The following MEI4 variants were observed in gnomAD, a reference collection of about 807,000 sequenced individuals.
The protein encoded by MEI4 is meiotic double-stranded break formation protein 4, also known as meiosis-specific protein MEI4.
A neutral mutation model predicts 31.4 loss-of-function variants in MEI4; 27 were observed. The ratio of observed to expected loss-of-function variants is 0.86; its 90% CI spans 0.63 to 1.19. The LOEUF (loss-of-function observed/expected upper bound fraction) is 1.19. MEI4 is among the 50% of genes most tolerant of loss of function. The pLI is 0.00. For synonymous variants in MEI4, 122 were observed against 145.4 expected, an observed-to-expected ratio of 0.84 and a Z score of 1.16; for missense variants, 329 against 398.9, an observed-to-expected ratio of 0.82 and a Z score of 1.49.
chr6:77,796,099 A>T (rs1347956250), intron 3 of MEI4, among the ~76,000 whole-genome samples: 4 of 152,234 alleles, frequency 2.6e-5, no homozygotes, highest in South Asian at 2.1e-4. Flanking sequence ...TGATTTCATT[A>T]TAACCACATT....
At chr6:77,830,486 G>T (rs764912836) in intron 4 of MEI4, among the ~76,000 whole-genome samples, 1 of 152,038 alleles carries the variant, frequency 6.6e-6, no homozygotes, top group Non-Finnish European at 1.5e-5. Context: ...ACTGCAGAAA[G>T]AGCATATCCT....
At chr6:77,731,943 T>C (rs1195047481) in intron 2 of MEI4, among the ~76,000 whole-genome samples, 1 of 148,998 alleles carries the variant, frequency 6.7e-6, no homozygotes, top group Non-Finnish European at 1.5e-5. Flanking sequence ...GTTGTACATA[T>C]GCGGCATTAT....
Position 77,790,533 on chromosome 6 carries a change from T to C in MEI4, c.768+28868T>C, listed in dbSNP as rs973142366. 2.0e-5 allele frequency among the ~76,000 whole-genome samples: 3 copies of C among 151,712 alleles called. No individual in the cohort carries two copies. In the Admixed American group the frequency reaches 2.0e-4, roughly 10 times the overall value. On this transcript the variant is annotated intron_variant, in intron 3 of 4. Coordinates refer to ENST00000684080, the MANE Select transcript of MEI4 (RefSeq NM_001322247.2). The stretch of plus-strand genomic sequence containing the variant: ...ATGCAATATACTTATGTAGCAAACC[T>C]GCACATGTACTTCCTGAATTTATAA...
chr6:77,751,006 C>A (rs1234999262), intron 2 of MEI4, among the ~76,000 whole-genome samples: 1 of 152,128 alleles, frequency 6.6e-6, no homozygotes, highest in Non-Finnish European at 1.5e-5. Flanking sequence ...ACAACCTGCT[C>A]CTGAATGACT....
intron 4 of MEI4, among the ~76,000 whole-genome samples, chr6:77,912,452 G>A (rs998060855): frequency 6.6e-6 from 1 of 152,028 alleles, no homozygotes; most frequent in Non-Finnish European, 1.5e-5. Flanking sequence ...CCATGAGTAT[G>A]AGATGCCTGT....
chr6:77,803,223 C>T (rs1009791094), intron 3 of MEI4, among the ~76,000 whole-genome samples: 1 of 152,154 alleles, frequency 6.6e-6, no homozygotes, highest in Non-Finnish European at 1.5e-5. Flanking sequence ...TCATTCATTT[C>T]ATCTTCCATC....
intron 1 of MEI4, among the ~76,000 whole-genome samples, chr6:77,686,349 C>T (rs1431623110): frequency 6.6e-6 from 1 of 152,066 alleles, no homozygotes; most frequent in Non-Finnish European, 1.5e-5. Context: ...TTATTTTGGT[C>T]AGTAAGTCTG....
At chr6:77,779,792 C>A (rs1179617310) in intron 3 of MEI4, among the ~76,000 whole-genome samples, 1 of 152,142 alleles carries the variant, frequency 6.6e-6, no homozygotes, top group African/African-American at 2.4e-5. Flanking sequence ...AGGAACATGG[C>A]ATGCAGATGG....
chr6:77,923,447 T>TC lies in MEI4; in HGVS notation c.*101_*102insC. 1.1e-6 allele frequency: 1 copy of TC among 914,026 alleles called. No individual in the cohort carries two copies. Among genetic ancestry groups the TC allele is most frequent in the Non-Finnish European group, 1.4e-6 (1 of 700,190 alleles). The allele number at this position is 914,026 out of a possible 1,614,324, so 56.6% of individuals were successfully genotyped here. A position where few individuals can be genotyped will look rare whatever the true frequency, so the allele number is the denominator to read the frequency against. On this transcript the variant is annotated 3_prime_UTR_variant, in exon 5 of 5. Transcript: ENST00000684080. ...TTCAATAGTATTTTAATTAGCATTT[T>TC]AGAATTGATCTCTAAATATAATTAT...
chr6:77,664,120 C>T (rs1369156579), intron 1 of MEI4, among the ~76,000 whole-genome samples: 2 of 152,158 alleles, frequency 1.3e-5, no homozygotes, highest in African/African-American at 2.4e-5. Flanking sequence ...GTTTGTCTCA[C>T]AGTGGAGGCA....
intron 4 of MEI4, among the ~76,000 whole-genome samples, chr6:77,864,799 C>T (rs1401630187): frequency 6.6e-6 from 1 of 152,190 alleles, no homozygotes; most frequent in Non-Finnish European, 1.5e-5. Context: ...CACCACACCA[C>T]ACCTATTCCA....
chr6:77,767,360 C>CT (rs1380637789), intron 3 of MEI4, among the ~76,000 whole-genome samples: 1 of 151,606 alleles, frequency 6.6e-6, no homozygotes, highest in African/African-American at 2.4e-5. Flanking sequence ...AGCCTGGTGA[C>CT]TGAGACTCCC....
intron 2 of MEI4, among the ~76,000 whole-genome samples, chr6:77,736,102 C>G (rs77853916): frequency 6.6e-6 from 1 of 152,068 alleles, no homozygotes; most frequent in Non-Finnish European, 1.5e-5. Flanking sequence ...CTGTGCCCTG[C>G]CCCCAGAGGT....
At chr6:77,656,104 A>G (rs1768389792) in intron 1 of MEI4, among the ~76,000 whole-genome samples, 1 of 152,256 alleles carries the variant, frequency 6.6e-6, no homozygotes, top group East Asian at 1.9e-4. Context: ...TGCTTTCACC[A>G]TGGCAGAACT....
chr6:77,892,180 G>C (rs1488613007), intron 4 of MEI4, among the ~76,000 whole-genome samples: 1 of 152,102 alleles, frequency 6.6e-6, no homozygotes, highest in East Asian at 1.9e-4. Flanking sequence ...GTGTGGTGGT[G>C]GTGGTAGTCT....
chr6:77,705,348 A>G lies in MEI4; in HGVS notation c.232+14445A>G, dbSNP rs138884779. Among the ~76,000 whole-genome samples the G allele has an allele frequency of 3.4e-3, 514 of 152,338 alleles. 2 individuals carry two copies. The highest frequency in any genetic ancestry group is 0.012 in the African/African-American group (500 of 41,578). Reference sequence around the variant, plus strand: ...GAAAAGTACATAAAGTGACATAGCTAAAAAGAAATGTATTGCATAAATGAA... The same window carrying G: ...GAAAAGTACATAAAGTGACATAGCTGAAAAGAAATGTATTGCATAAATGAA... On this transcript the variant is annotated intron_variant, in intron 2 of 4. Transcript: ENST00000684080.
chr6:77,769,548 A>G (rs1381848768), intron 3 of MEI4, among the ~76,000 whole-genome samples: 1 of 151,978 alleles, frequency 6.6e-6, no homozygotes, highest in African/African-American at 2.4e-5. Context: ...TGCTTGTGTC[A>G]CCCCTCCACC....
At chr6:77,894,704 CTTG>C (rs1766044065) in intron 4 of MEI4, among the ~76,000 whole-genome samples, 1 of 152,164 alleles carries the variant, frequency 6.6e-6, no homozygotes, top group African/African-American at 2.4e-5. Context: ...GTGAGCCAAT[CTTG>C]TTGTCCCTAA....
At chr6:77,915,091 T>TCACA (rs1766514962) in intron 4 of MEI4, among the ~76,000 whole-genome samples, 1 of 152,120 alleles carries the variant, frequency 6.6e-6, no homozygotes, top group African/African-American at 2.4e-5. Context: ...ATTCCTGCCA[T>TCACA]TTTACTAATT....
Sources: gnomAD v4.1 joint callset for allele counts (sites outside exome capture counted in the v4.1 genomes callset) on GRCh38, gnomAD v4.1.1 for gene constraint, MANE v1.5 for transcripts, NCBI Gene and HGNC (gene_info 2026-07-23, HGNC 2026-07-21) for gene names.